RGS19: variants seen among roughly 807,000 people sequenced by gnomAD.
The protein encoded by RGS19 is regulator of G protein signaling 19, also known as G alpha interacting protein.
RGS19 carries 9 observed loss-of-function variants against 22.0 expected under a neutral mutation model. The ratio of observed to expected loss-of-function variants is 0.41; its 90% CI spans 0.25 to 0.71. The LOEUF (loss-of-function observed/expected upper bound fraction) is 0.71. RGS19 is among the 30% of genes least tolerant of loss of function. The pLI, the probability that RGS19 is intolerant of heterozygous loss-of-function variation, is 0.32. For missense variants in RGS19, 256 were observed against 307.1 expected (o/e 0.83, Z 1.24); for synonymous variants, 130 against 127.3 (o/e 1.02, Z -0.14).
intron 4 of RGS19, 23 bp downstream of exon 4, chr20:64,074,444 A>T: frequency 6.3e-7 from 1 of 1,578,930 alleles, no homozygotes; most frequent in Non-Finnish European, 8.6e-7. Context: ...CCCAGCACGC[A>T]CACACCAGCC....
intron 3 of RGS19, among the ~76,000 whole-genome samples, chr20:64,076,042 T>C (rs2059902981): frequency 6.6e-6 from 1 of 152,096 alleles, no homozygotes; most frequent in South Asian, 2.1e-4. Context: ...CCACCACGCC[T>C]GGCTAATTTT....
Position 64,076,967 on chromosome 20 carries a change from G to A in RGS19, c.-68-13C>T, listed in dbSNP as rs1258356250. 4.6e-6 allele frequency: 6 copies of A among 1,317,462 alleles called. No homozygotes were observed. Among genetic ancestry groups the A allele is most frequent in the African/African-American group, 1.5e-5 (1 of 65,620 alleles). 81.6% of individuals were successfully genotyped at this position (1,317,462 alleles called of 1,614,324 possible). On this transcript the variant is annotated splice_polypyrimidine_tract_variant and intron_variant, in intron 1 of 5. Transcript: ENST00000395042. The stretch of plus-strand genomic sequence containing the variant: ...ACAGCCTGGGGGTCTGGGGAGAGGG[G>A]CCAAGGTTCTGACTGAGAACCTGAA...
rs2059909956 is a variant in RGS19 at position 64,076,888 on chromosome 20, G to A, written c.-2C>T. 1.3e-6 allele frequency: 2 copies of A among 1,532,190 alleles called. No homozygotes were observed. The highest frequency in any genetic ancestry group is 1.7e-6 in the Non-Finnish European group (2 of 1,145,792). The allele number at this position is 1,532,190 out of a possible 1,614,324, so 94.9% of individuals were successfully genotyped here. On this transcript the variant is annotated 5_prime_UTR_variant, in exon 2 of 6. Coordinates refer to ENST00000395042, the MANE Select transcript of RGS19 (RefSeq NM_005873.3). ...CTCAGCCTCATGCGGGGTGGGCATG[G>A]GTGGGCGGAGGAGGTTGCCCAGGCT...
chr20:64,076,924 A>G lies in RGS19; in HGVS notation c.-38T>C. On this transcript the variant is annotated 5_prime_UTR_variant, in exon 2 of 6. Coordinates refer to ENST00000395042, the MANE Select transcript of RGS19 (RefSeq NM_005873.3). ...GAGGTTGCCCAGGCTCCGTGGTACC[A>G]GCTCTCAGACCCTCACCACAGCCTG... 1.3e-6 allele frequency: 2 copies of G among 1,497,986 alleles called. No individual in the cohort carries two copies. Among genetic ancestry groups the G allele is most frequent in the Non-Finnish European group, 1.8e-6 (2 of 1,127,878 alleles). 92.8% of individuals were successfully genotyped at this position (1,497,986 alleles called of 1,614,324 possible). A position where few individuals can be genotyped will look rare whatever the true frequency, so the allele number is the denominator to read the frequency against.
intron 2 of RGS19, 86 bp downstream of exon 2, chr20:64,076,771 A>G: frequency 6.5e-7 from 1 of 1,541,116 alleles, no homozygotes; most frequent in Non-Finnish European, 8.8e-7. Flanking sequence ...CCGGGTGTTC[A>G]GGGATCTCCC....
At position 64,073,324 on chromosome 20, in the gene RGS19, A is replaced by G. The variant is rs1183225684; in HGVS notation, c.*529T>C. On this transcript the variant is annotated 3_prime_UTR_variant, in exon 6 of 6. Transcript: ENST00000395042. Reference sequence around the variant, plus strand: ...AAGTTCATGAACATATAAAACAGAAATTGGGTCCTGCCACCTTGAGTGCAG... The same window carrying G: ...AAGTTCATGAACATATAAAACAGAAGTTGGGTCCTGCCACCTTGAGTGCAG... 1 of 152,622 alleles carries G rather than the reference A, an allele frequency of 6.6e-6. No individual in the cohort carries two copies. Among genetic ancestry groups the G allele is most frequent in the Non-Finnish European group, 1.5e-5 (1 of 68,326 alleles). The allele number at this position is 152,622 out of a possible 1,614,324, so 9.5% of individuals were successfully genotyped here. A position where few individuals can be genotyped will look rare whatever the true frequency, so the allele number is the denominator to read the frequency against.
At chr20:64,074,846 A>C (rs1195772299) in intron 3 of RGS19, among the ~76,000 whole-genome samples, 1 of 152,174 alleles carries the variant, frequency 6.6e-6, no homozygotes, top group Non-Finnish European at 1.5e-5. Flanking sequence ...AGTGCCCGCG[A>C]GTCTCTGGCC....
In RGS19 at chr20:64,076,536, A is replaced by G; in HGVS notation, c.141T>C (p.Cys47=). 6.2e-7 allele frequency: 1 copy of G among 1,612,928 alleles called. No individual in the cohort carries two copies. Among genetic ancestry groups the G allele is most frequent in the Non-Finnish European group, 8.5e-7 (1 of 1,179,868 alleles). Residue 47 remains cysteine, a synonymous_variant, in exon 3 of 6, where the codon TGT becomes TGC. Transcript: ENST00000395042. The stretch of plus-strand genomic sequence containing the variant: ...CAGGCCCTACTCACCAGGAGCAGCT[A>G]CAGCAGCAGCACCAGCACAGGCAGC... The part of the protein sequence containing the change: ...NPCCLCWCCC[C]SCSWNQERRR...
rs1415933738 is a variant in RGS19 at position 64,074,236 on chromosome 20, C to T, written c.370G>A (p.Glu124Lys). Residue 124 changes from glutamate (E) to lysine (K), a missense_variant, in exon 5 of 6, where the codon GAG (glutamate) becomes AAG (lysine). Physicochemically the swap from Glu to Lys is moderately conservative, Grantham distance 56 (BLOSUM62 1). Coordinates refer to ENST00000395042, the MANE Select transcript of RGS19 (RefSeq NM_005873.3). ...TGGTTGGCCTCGGCCTTCAGCTCCTCGCAGGCCAACCAGAAGAGCATGTTC... is the reference window on the plus strand; with the variant it reads ...TGGTTGGCCTCGGCCTTCAGCTCCTTGCAGGCCAACCAGAAGAGCATGTTC... ...EENMLFWLAC[E>K]ELKAEANQHV... is the part of the protein sequence containing the mutation. 1.9e-6 allele frequency: 3 copies of T among 1,613,842 alleles called. No individual in the cohort carries two copies. The highest frequency in any genetic ancestry group is 1.7e-5 in the Admixed American group (1 of 59,998).
rs371142764 is a variant in RGS19, at chr20:64,075,632, T to C, written c.152+893A>G. Among the ~76,000 whole-genome samples the C allele has an allele frequency of 4.7e-3, 708 of 152,004 alleles. 21 individuals carry two copies. The South Asian group carries it at 0.062, about 13-fold the overall frequency. Reference sequence around the variant, plus strand: ...TGAATAGGGCCAGGCTTCTGCAAGGTGTGAAAACATCCACCAGCTCCCCTA... The same window carrying C: ...TGAATAGGGCCAGGCTTCTGCAAGGCGTGAAAACATCCACCAGCTCCCCTA... On this transcript the variant is annotated intron_variant, in intron 3 of 5. Coordinates refer to ENST00000395042, the MANE Select transcript of RGS19 (RefSeq NM_005873.3). The surrounding 1 kb of genome is among the most constrained non-coding windows in gnomAD (Gnocchi z 4.6).
intron 3 of RGS19, 70 bp downstream of exon 3, chr20:64,076,455 C>T (rs2059905962): frequency 1.3e-6 from 2 of 1,589,198 alleles, no homozygotes; most frequent in Admixed American, 1.7e-5. Flanking sequence ...ACCACTGGGT[C>T]CCCTCCTGGG....
Position 64,076,385 on chromosome 20 carries a change from G to T in RGS19, c.152+140C>A, listed in dbSNP as rs147270580. On this transcript the variant is annotated intron_variant, in intron 3 of 5. Coordinates refer to ENST00000395042, the MANE Select transcript of RGS19 (RefSeq NM_005873.3). ...TCATCACCAGGGCCCAACAGACCCT[G>T]GACAGGACAGTGCTGTGAGGTGGCA... The T allele has an allele frequency of 3.0e-6, 4 of 1,338,672 alleles. No individual in the cohort carries two copies. In the African/African-American group the frequency reaches 5.9e-5, roughly 20 times the overall value. The allele number at this position is 1,338,672 out of a possible 1,614,324, so 82.9% of individuals were successfully genotyped here.
rs558403450 is a variant in RGS19, at chr20:64,073,342, G to A, written c.*511C>T. The A allele has an allele frequency of 1.7e-3, 262 of 153,072 alleles. 2 individuals are homozygous for A. The highest frequency in any genetic ancestry group is 6.0e-3 in the African/African-American group (250 of 41,602). The allele number at this position is 153,072 out of a possible 1,614,324, so 9.5% of individuals were successfully genotyped here. On this transcript the variant is annotated 3_prime_UTR_variant, in exon 6 of 6. Coordinates refer to ENST00000395042, the MANE Select transcript of RGS19 (RefSeq NM_005873.3). The stretch of plus-strand genomic sequence containing the variant: ...AACAGAAATTGGGTCCTGCCACCTT[G>A]AGTGCAGGATTCTGAGGTCCTAAAT...
intron 1 of RGS19, among the ~76,000 whole-genome samples, chr20:64,078,013 T>C (rs966895153): frequency 1.3e-5 from 2 of 152,154 alleles, no homozygotes; most frequent in African/African-American, 4.8e-5. Context: ...AGCTCACAAC[T>C]TGATTCTACT....
rs769666004 is a variant in RGS19, at chr20:64,076,649, G to C, written c.31-3C>G. The C allele has an allele frequency of 1.3e-6, 2 of 1,593,406 alleles. No individual in the cohort carries two copies. The highest frequency in any genetic ancestry group is 1.7e-6 in the Non-Finnish European group (2 of 1,169,768). ...TCCGCCTCCTCTGGCCCTGTGATCTGGGGAAAAGTGGGGCTACCTCAGCTT... is the reference window on the plus strand; with the variant it reads ...TCCGCCTCCTCTGGCCCTGTGATCTCGGGAAAAGTGGGGCTACCTCAGCTT... On this transcript the variant is annotated splice_region_variant and splice_polypyrimidine_tract_variant and intron_variant, in intron 2 of 5. Transcript: ENST00000395042.
chr20:64,073,743 G>C lies in RGS19; in HGVS notation c.*110C>G. 2.0e-6 allele frequency: 2 copies of C among 992,000 alleles called. No individual in the cohort carries two copies. Among genetic ancestry groups the C allele is most frequent in the Admixed American group, 2.5e-5 (1 of 39,248 alleles). The allele number at this position is 992,000 out of a possible 1,614,324, so 61.4% of individuals were successfully genotyped here. A position where few individuals can be genotyped will look rare whatever the true frequency, so the allele number is the denominator to read the frequency against. On this transcript the variant is annotated 3_prime_UTR_variant, in exon 6 of 6. Coordinates refer to ENST00000395042, the MANE Select transcript of RGS19 (RefSeq NM_005873.3). ...GGTCTAGGACCGTCTCCGCGGGTGG[G>C]GACCCCAGCCGGCCAGGCATGTGCC...
At position 64,079,371 on chromosome 20, in the gene RGS19, C is replaced by CTCAAGTCAGACGGCAGG; in HGVS notation, c.-147_-146insCCTGCCGTCTGACTTGA. On this transcript the variant is annotated 5_prime_UTR_variant, in exon 1 of 6. Transcript: ENST00000395042. This position sits in a 1 kb window ranked among gnomAD's most constrained non-coding sequence, Gnocchi z 5.1. ...CCACCCTGGCTGCCGAAGGGGCGTG[C>CTCAAGTCAGACGGCAGG]ACTGCAGCAGCAGGGACTCAAGTCA... 1 of 152,158 alleles carries CTCAAGTCAGACGGCAGG rather than the reference C, an allele frequency of 6.6e-6. No individual in the cohort carries two copies. Among genetic ancestry groups the CTCAAGTCAGACGGCAGG allele is most frequent in the South Asian group, 2.1e-4 (1 of 4,826 alleles). 9.4% of individuals were successfully genotyped at this position (152,158 alleles called of 1,614,324 possible).
rs1569262194 is a variant in RGS19 at position 64,075,796 on chromosome 20, C to T, written c.152+729G>A. On this transcript the variant is annotated intron_variant, in intron 3 of 5. Transcript: ENST00000395042. This position sits in a 1 kb window ranked among gnomAD's most constrained non-coding sequence, Gnocchi z 4.6. ...GAAGCTCTTGGCCATCGCCCCAGGG[C>T]CAGCAGTTCCCTTATTGGGGTCTCT... Among the ~76,000 whole-genome samples, 1 of 152,294 alleles carries T rather than the reference C, an allele frequency of 6.6e-6. No individual in the cohort carries two copies. The highest frequency in any genetic ancestry group is 1.9e-4 in the East Asian group (1 of 5,188).
intron 2 of RGS19, 70 bp from the exon 3 acceptor site, chr20:64,076,716 T>TCCCATG (rs2059908632): frequency 1.3e-6 from 2 of 1,521,934 alleles, no homozygotes; most frequent in Non-Finnish European, 9.0e-7. Flanking sequence ...TCCCCCACCT[T>TCCCATG]CCCATGGGTA....
Sources: allele counts gnomAD v4.1 joint callset (sites outside exome capture counted in the v4.1 genomes callset), GRCh38; gene constraint gnomAD v4.1.1; non-coding constraint Gnocchi (gnomAD v3.1); transcripts MANE v1.5; gene names NCBI Gene and HGNC (gene_info 2026-07-23, HGNC 2026-07-21).